RALYL: variants seen among roughly 807,000 people sequenced by gnomAD.
The protein encoded by RALYL is RNA-binding Raly-like protein.
Under a neutral mutation model 35.1 loss-of-function variants are expected in RALYL, and 29 were observed. The observed-to-expected ratio is 0.83, with a 90% CI of 0.61 to 1.13. RALYL has a LOEUF of 1.13. Among genes scored for constraint, RALYL ranks in the 50% most tolerant of loss-of-function variants. The pLI, the probability that RALYL is intolerant of heterozygous loss-of-function variation, is 0.00. For missense variants in RALYL, 359 were observed against 360.4 expected, an observed-to-expected ratio of 1.00 and a Z score of 0.03; for synonymous variants, 120 against 127.6, an observed-to-expected ratio of 0.94 and a Z score of 0.40.
intron 2 of RALYL, among the ~76,000 whole-genome samples, chr8:84,701,765 G>T (rs955705922): frequency 6.6e-6 from 1 of 152,096 alleles, no homozygotes; most frequent in African/African-American, 2.4e-5. Context: ...TGTCCCTGCC[G>T]GGAAGCCAGA....
chr8:84,910,273 A>G (rs1020658484), intron 8 of RALYL, among the ~76,000 whole-genome samples: 1 of 152,154 alleles, frequency 6.6e-6, no homozygotes, highest in Non-Finnish European at 1.5e-5. Context: ...GAAAAATTAG[A>G]TATTTTTTTC....
intron 2 of RALYL, among the ~76,000 whole-genome samples, chr8:84,566,657 A>T (rs1373451216): frequency 6.6e-6 from 1 of 151,610 alleles, no homozygotes; most frequent in Non-Finnish European, 1.5e-5. Context: ...TTATGGTGCA[A>T]TTATCCAAGT....
Position 84,920,972 on chromosome 8 carries a change from G to C in RALYL, c.*61G>C. 1 of 1,023,452 alleles carries C rather than the reference G, an allele frequency of 9.8e-7. No individual in the cohort carries two copies. Among genetic ancestry groups the C allele is most frequent in the Non-Finnish European group, 1.4e-6 (1 of 720,602 alleles). The allele number at this position is 1,023,452 out of a possible 1,614,324, so 63.4% of individuals were successfully genotyped here. A position where few individuals can be genotyped will look rare whatever the true frequency, so the allele number is the denominator to read the frequency against. On this transcript the variant is annotated 3_prime_UTR_variant, in exon 9 of 9. Transcript: ENST00000521268. ...AGAAACTGTGACAACCCCCAGAAAT[G>C]TGAAAGGAGGTTTCTTACTGGACAG...
At chr8:84,835,849 A>AT (rs1417703642) in intron 4 of RALYL, among the ~76,000 whole-genome samples, 2,815 of 147,354 alleles carry the variant, frequency 0.019, 65 homozygotes, top group African/African-American at 0.062. Context: ...GAGCAAGGAG[A>AT]TTTTTTTTTT....
At chr8:84,756,906 ATTATTTG>A (rs1811555899) in intron 2 of RALYL, among the ~76,000 whole-genome samples, 1 of 152,082 alleles carries the variant, frequency 6.6e-6, no homozygotes, top group South Asian at 2.1e-4. Context: ...AAGGTACAAA[ATTATTTG>A]TCTTTTTTGC....
intron 1 of RALYL, among the ~76,000 whole-genome samples, chr8:84,472,458 G>A (rs1161639385): frequency 6.6e-6 from 1 of 152,108 alleles, no homozygotes; most frequent in Admixed American, 6.6e-5. Flanking sequence ...CACGCAAAGA[G>A]AAAATTCTAG....
At chr8:84,715,438 A>G (rs1237461013) in intron 2 of RALYL, among the ~76,000 whole-genome samples, 1 of 151,990 alleles carries the variant, frequency 6.6e-6, no homozygotes, top group African/African-American at 2.4e-5. Flanking sequence ...GTTAAAAAGC[A>G]ACCTTATATA....
chr8:84,227,332 A>G (rs1239360905), intron 1 of RALYL, among the ~76,000 whole-genome samples: 1 of 151,494 alleles, frequency 6.6e-6, no homozygotes, highest in Non-Finnish European at 1.5e-5. Context: ...TGCTGGGATT[A>G]TAGGCGTGAG....
chr8:84,200,498 A>G (rs1383519245), intron 1 of RALYL, among the ~76,000 whole-genome samples: 1 of 152,162 alleles, frequency 6.6e-6, no homozygotes, highest in Non-Finnish European at 1.5e-5. Context: ...ATACATTTTA[A>G]AATCATTTCC....
At chr8:84,408,533 G>A (rs958508601) in intron 1 of RALYL, among the ~76,000 whole-genome samples, 7 of 152,160 alleles carry the variant, frequency 4.6e-5, no homozygotes, top group African/African-American at 7.2e-5. Flanking sequence ...CAAAACAACA[G>A]AAGCTTCTTT....
chr8:84,877,036 G>A (rs961464539), intron 7 of RALYL, among the ~76,000 whole-genome samples: 1 of 151,930 alleles, frequency 6.6e-6, no homozygotes, highest in South Asian at 2.1e-4. Flanking sequence ...TTATCTATTT[G>A]GTCCCTGTTC....
At chr8:84,717,317 G>A (rs1189496291) in intron 2 of RALYL, among the ~76,000 whole-genome samples, 3 of 152,168 alleles carry the variant, frequency 2.0e-5, no homozygotes, top group Non-Finnish European at 4.4e-5. Context: ...TCAGGTTAAA[G>A]ATGCTATATT....
At chr8:84,378,067 GGATA>G (rs1236757022) in intron 1 of RALYL, among the ~76,000 whole-genome samples, 1 of 151,780 alleles carries the variant, frequency 6.6e-6, no homozygotes, top group Non-Finnish European at 1.5e-5. Context: ...ATGTTTCCTT[GGATA>G]GATAAACTAC....
chr8:84,558,920 A>T (rs866071941), intron 2 of RALYL, among the ~76,000 whole-genome samples: 2 of 152,072 alleles, frequency 1.3e-5, no homozygotes, highest in African/African-American at 2.4e-5. Flanking sequence ...CACTGTACCG[A>T]GTCTGTGAAG....
chr8:84,861,162 C>T (rs1838024983), intron 5 of RALYL, among the ~76,000 whole-genome samples: 1 of 151,846 alleles, frequency 6.6e-6, no homozygotes, highest in African/African-American at 2.4e-5. Flanking sequence ...GAATGTAATC[C>T]AATATTTTAT....
At chr8:84,617,770 A>G (rs1820155832) in intron 2 of RALYL, among the ~76,000 whole-genome samples, 2 of 151,394 alleles carry the variant, frequency 1.3e-5, no homozygotes, top group South Asian at 4.2e-4. Context: ...ACGTCCCATC[A>G]ATACCTAATT....
At chr8:84,735,841 A>AGAGAGAGAGAGAGAGAGAGAAC (rs1180314583) in intron 2 of RALYL, among the ~76,000 whole-genome samples, 51 of 150,516 alleles carry the variant, frequency 3.4e-4, no homozygotes, top group African/African-American at 1.2e-3. Flanking sequence ...AGAGAGAGAG[A>AGAGAGAGAGAGAGAGAGAGAAC]GAGAGAGAAC....
At chr8:84,802,198 G>A (rs1047756923) in intron 3 of RALYL, among the ~76,000 whole-genome samples, 5 of 151,996 alleles carry the variant, frequency 3.3e-5, no homozygotes, top group African/African-American at 7.3e-5. Flanking sequence ...CTTTATTTAC[G>A]GACACTGAAG....
In RALYL at chr8:84,809,763, G is replaced by A. The variant is rs542655222; in HGVS notation, c.365+4961G>A. On this transcript the variant is annotated intron_variant, in intron 4 of 8. Transcript: ENST00000521268. ...ATCTGTTCTAGGTTTTCTAGTTTAT[G>A]TGCATAAAGGTGTTCACAGTAGCCT... is the stretch of plus-strand genomic sequence containing the variant. Among the ~76,000 whole-genome samples the A allele has an allele frequency of 1.4e-4, 22 of 152,082 alleles. No individual in the cohort carries two copies. In the East Asian group the frequency reaches 4.2e-3, roughly 29 times the overall value.
Sources: allele counts gnomAD v4.1 joint callset (sites outside exome capture counted in the v4.1 genomes callset), GRCh38; gene constraint gnomAD v4.1.1; transcripts MANE v1.5; gene names NCBI Gene and HGNC (gene_info 2026-07-23, HGNC 2026-07-21).